The following ADGB variants were observed in gnomAD, a reference collection of about 807,000 sequenced individuals.
The protein encoded by ADGB is androglobin, also known as calpain-7-like protein.
In ADGB, 172 loss-of-function variants were observed where a neutral mutation model predicts 210.5. The observed-to-expected ratio is 0.82, with a 90% confidence interval of 0.72 to 0.93. The LOEUF (loss-of-function observed/expected upper bound fraction) is 0.93. Ranked by LOEUF, ADGB falls within the 40% of genes least tolerant of loss-of-function variation. The pLI is 0.00. For synonymous variants in ADGB, 658 were observed against 662.7 expected, an observed-to-expected ratio of 0.99 and a Z score of 0.11; for missense variants, 2,025 against 1,964.8, an observed-to-expected ratio of 1.03 and a Z score of -0.58.
At chr6:146,697,291 G>A (rs1212854287) in intron 12 of ADGB, among the ~76,000 whole-genome samples, 1 of 152,166 alleles carries the variant, frequency 6.6e-6, no homozygotes, top group Non-Finnish European at 1.5e-5. Context: ...TATGATGGTT[G>A]CCGTTAAAAT....
At chr6:146,605,792 T>C (rs546083961) in intron 1 of ADGB, among the ~76,000 whole-genome samples, 14 of 152,334 alleles carry the variant, frequency 9.2e-5, no homozygotes, top group African/African-American at 2.9e-4. Context: ...TTATTTTTCA[T>C]AGAGCCTTTA....
intron 26 of ADGB, among the ~76,000 whole-genome samples, chr6:146,746,648 C>A (rs1410224264): frequency 6.6e-6 from 1 of 152,122 alleles, no homozygotes; most frequent in Non-Finnish European, 1.5e-5. Flanking sequence ...CTCATTCTCC[C>A]TATCCATTTA....
At chr6:146,644,485 C>T (rs1218396589) in intron 2 of ADGB, among the ~76,000 whole-genome samples, 2 of 151,820 alleles carry the variant, frequency 1.3e-5, no homozygotes, top group Non-Finnish European at 2.9e-5. Context: ...ATATAGTTTC[C>T]ACAGCATCTC....
intron 1 of ADGB, among the ~76,000 whole-genome samples, chr6:146,620,891 A>G (rs1040625814): frequency 3.3e-5 from 5 of 152,178 alleles, no homozygotes; most frequent in African/African-American, 1.2e-4. Context: ...TGAGCATTTG[A>G]TGAGACAGCC....
At chr6:146,694,347 T>A (rs1776376508) in intron 12 of ADGB, among the ~76,000 whole-genome samples, 1 of 152,162 alleles carries the variant, frequency 6.6e-6, no homozygotes. Flanking sequence ...TGCTTCCTCA[T>A]GCATGGCATC....
rs559091039 is a variant in ADGB at position 146,786,611 on chromosome 6, C to T, written c.4315+899C>T. On this transcript the variant is annotated intron_variant, in intron 32 of 35. Coordinates refer to ENST00000397944, the MANE Select transcript of ADGB (RefSeq NM_024694.4). ...TATGAGGTATGTATTACTTAGTCTA[C>T]TCATCTTAGAGATAAAGAGACCAAA... 1.6e-4 allele frequency among the ~76,000 whole-genome samples: 24 copies of T among 152,232 alleles called. No individual in the cohort carries two copies. The South Asian group carries it at 5.0e-3, about 32-fold the overall frequency.
intron 1 of ADGB, among the ~76,000 whole-genome samples, chr6:146,607,870 A>G (rs1780653590): frequency 6.6e-6 from 1 of 151,610 alleles, no homozygotes; most frequent in Non-Finnish European, 1.5e-5. Flanking sequence ...GATTTTTTAC[A>G]TTGTGTCTCT....
chr6:146,746,068 C>T lies in ADGB; in HGVS notation c.3324C>T (p.Ile1108=). 1.3e-6 allele frequency: 2 copies of T among 1,550,358 alleles called. No homozygotes were observed. Among genetic ancestry groups the T allele is most frequent in the Admixed American group, 2.0e-5 (1 of 50,960 alleles). The change falls in exon 26 of 36, where the codon ATC becomes ATT. Residue 1108 remains isoleucine, a synonymous_variant. Transcript: ENST00000397944. ...GCAATTCCTTTGCCATAAAGGAAATCCGAGATTACTACATACCCAATGATA... is the reference window on the plus strand; with the variant it reads ...GCAATTCCTTTGCCATAAAGGAAATTCGAGATTACTACATACCCAATGATA... ...SPCNSFAIKE[I]RDYYIPNDKK... is the part of the protein sequence containing the mutation.
chr6:146,748,794 G>T (rs565688518), intron 26 of ADGB, among the ~76,000 whole-genome samples: 1 of 152,080 alleles, frequency 6.6e-6, no homozygotes, highest in Non-Finnish European at 1.5e-5. Context: ...TGACCAGGCT[G>T]GTCTCAAACT....
chr6:146,621,080 A>C (rs1780885819), intron 1 of ADGB, among the ~76,000 whole-genome samples: 1 of 152,166 alleles, frequency 6.6e-6, no homozygotes, highest in African/African-American at 2.4e-5. Context: ...GTGTAGAAAA[A>C]ACTTACAGTG....
intron 27 of ADGB, among the ~76,000 whole-genome samples, chr6:146,762,753 C>G (rs972570348): frequency 1.1e-4 from 16 of 152,100 alleles, no homozygotes; most frequent in Admixed American, 2.0e-4. Context: ...GGTAGCTCTA[C>G]TCTTAAAGCT....
chr6:146,760,871 G>A (rs534619860), intron 27 of ADGB, among the ~76,000 whole-genome samples: 2 of 151,736 alleles, frequency 1.3e-5, no homozygotes, highest in Non-Finnish European at 2.9e-5. Context: ...CATCTTATGT[G>A]TGCTTACTGA....
chr6:146,807,423 C>A, intron 35 of ADGB: 1 of 1,551,506 alleles, frequency 6.4e-7, no homozygotes, highest in South Asian at 1.2e-5. Context: ...TGAAGCCCGA[C>A]AGAAAATTTT....
chr6:146,623,751 G>T (rs114840763), intron 1 of ADGB, among the ~76,000 whole-genome samples: 2,599 of 151,982 alleles, frequency 0.017, 82 homozygotes, highest in African/African-American at 0.059. Context: ...TCAGGTTAAA[G>T]GAGTTGCCTT....
chr6:146,635,407 G>T lies in ADGB; in HGVS notation c.107G>T (p.Gly36Val), dbSNP rs1396381420. The change falls in exon 2 of 36, where the codon GGT (glycine) becomes GTT (valine). Residue 36 changes from glycine to valine, a missense_variant. Coordinates refer to ENST00000397944, the MANE Select transcript of ADGB (RefSeq NM_024694.4). ...CCTTTTGGCAGTAATGTACAATCTG[G>T]TTCTACTGAACAAAAGAAGGGGAAA... ...FYPFGSNVQSGSTEQKKGKFP... is the reference protein window; with the variant it reads ...FYPFGSNVQSVSTEQKKGKFP... 3.8e-5 allele frequency: 59 copies of T among 1,545,892 alleles called. No individual in the cohort carries two copies. The highest frequency in any genetic ancestry group is 5.2e-5 in the Non-Finnish European group (59 of 1,144,166).
Position 146,717,546 on chromosome 6 carries a change from AT to A in ADGB, c.1943del (p.Phe648SerfsTer29). On this transcript the variant is annotated frameshift_variant, in exon 16 of 36. Transcript: ENST00000397944. LOFTEE classifies it high-confidence loss of function. ...DFCVCFQNIY[I>X]FHKPSSYCLN... ...ATGTCTTTCTTTCAGAAATATATATATTTTCCACAAGCCAAGTTCATATTGC... is the reference window on the plus strand; with the variant it reads ...ATGTCTTTCTTTCAGAAATATATATATTTCCACAAGCCAAGTTCATATTGC... 1 of 1,400,590 alleles carries A rather than the reference AT, an allele frequency of 7.1e-7. No individual in the cohort carries two copies. The highest frequency in any genetic ancestry group is 9.7e-7 in the Non-Finnish European group (1 of 1,026,600). The allele number at this position is 1,400,590 out of a possible 1,614,324, so 86.8% of individuals were successfully genotyped here. A position where few individuals can be genotyped will look rare whatever the true frequency, so the allele number is the denominator to read the frequency against.
chr6:146,661,226 T>TG (rs1357013450), intron 5 of ADGB, among the ~76,000 whole-genome samples: 1 of 145,696 alleles, frequency 6.9e-6, no homozygotes, highest in African/African-American at 2.5e-5. Flanking sequence ...TTTTCTTTTT[T>TG]TTTTTTTTTT....
chr6:146,808,770 G>A (rs1465261300), intron 35 of ADGB, among the ~76,000 whole-genome samples: 1 of 152,116 alleles, frequency 6.6e-6, no homozygotes, highest in African/African-American at 2.4e-5. Flanking sequence ...TCAGCTCACT[G>A]CAACCTCTAC....
intron 19 of ADGB, among the ~76,000 whole-genome samples, chr6:146,726,780 T>C (rs1342130265): frequency 1.3e-5 from 2 of 152,194 alleles, no homozygotes; most frequent in African/African-American, 2.4e-5. Flanking sequence ...CTTAGTTAGA[T>C]CCCATGGCAT....
Sources: allele counts gnomAD v4.1 joint callset (sites outside exome capture counted in the v4.1 genomes callset), GRCh38; gene constraint gnomAD v4.1.1; transcripts MANE v1.5; gene names NCBI Gene and HGNC (gene_info 2026-07-23, HGNC 2026-07-21).